The following HAO1 variants were observed in gnomAD, a reference collection of about 807,000 sequenced individuals.
HAO1 encodes the protein hydroxyacid oxidase 1, also known as 2-Hydroxyacid oxidase 1.
Under a neutral mutation model 39.7 loss-of-function variants are expected in HAO1, and 34 were observed. That is an observed-to-expected ratio of 0.86 (90% CI 0.65 to 1.14). The LOEUF is 1.14. Among genes scored for constraint, HAO1 ranks in the 50% most tolerant of loss-of-function variants. The probability of loss-of-function intolerance (pLI) is 0.00; values close to 1 mark genes in which losing one functional copy is unlikely to be tolerated. For synonymous variants in HAO1, 172 were observed against 173.2 expected (o/e 0.99, Z 0.05); for missense variants, 479 against 464.5 (o/e 1.03, Z -0.29).
intron 2 of HAO1, among the ~76,000 whole-genome samples, chr20:7,932,611 G>A (rs1344495771): frequency 6.6e-6 from 1 of 152,054 alleles, no homozygotes; most frequent in Non-Finnish European, 1.5e-5. Flanking sequence ...CCTGACTATT[G>A]TTTGCAACTG....
intron 2 of HAO1, among the ~76,000 whole-genome samples, chr20:7,916,189 A>C (rs1218294589): frequency 6.6e-6 from 1 of 152,116 alleles, no homozygotes; most frequent in African/African-American, 2.4e-5. Flanking sequence ...AAATTGGAGT[A>C]AAATTGGAGT....
chr20:7,886,631 A>G lies in HAO1; in HGVS notation c.814-767T>C, dbSNP rs571737060. 5.9e-5 allele frequency among the ~76,000 whole-genome samples: 9 copies of G among 152,264 alleles called. No individual in the cohort carries two copies. In the South Asian group the frequency reaches 1.9e-3, roughly 32 times the overall value. ...TCTCATCCAAAATATTTTGCATCCA[A>G]CCATATATTAAAGAACACTCTGTGA... On this transcript the variant is annotated intron_variant, in intron 5 of 7. Coordinates refer to ENST00000378789, the MANE Select transcript of HAO1 (RefSeq NM_017545.3).
chr20:7,920,668 A>T (rs1462737635), intron 2 of HAO1, among the ~76,000 whole-genome samples: 1 of 152,088 alleles, frequency 6.6e-6, no homozygotes, highest in Non-Finnish European at 1.5e-5. Context: ...TATAAGTAAG[A>T]TCATATAGTA....
intron 3 of HAO1, among the ~76,000 whole-genome samples, chr20:7,909,889 G>A (rs906925229): frequency 5.9e-5 from 9 of 152,234 alleles, no homozygotes; most frequent in African/African-American, 1.7e-4. Context: ...ACTGATACAT[G>A]GGCCACCAGC....
At chr20:7,889,748 G>A (rs918795554) in intron 5 of HAO1, among the ~76,000 whole-genome samples, 1 of 152,126 alleles carries the variant, frequency 6.6e-6, no homozygotes, top group African/African-American at 2.4e-5. Context: ...GAAATTACTT[G>A]TGCACCAACC....
chr20:7,937,658 A>G (rs774618637), intron 1 of HAO1, among the ~76,000 whole-genome samples: 43 of 135,662 alleles, frequency 3.2e-4, no homozygotes, highest in Admixed American at 2.5e-3. Context: ...ATAATTTCAG[A>G]AAAAAAAGCT....
At chr20:7,905,181 GT>G (rs554112587) in intron 4 of HAO1, among the ~76,000 whole-genome samples, 1,524 of 152,200 alleles carry the variant, frequency 0.01, 26 homozygotes, top group African/African-American at 0.033. Context: ...AATTTAATTT[GT>G]TTAAGCACAG....
intron 1 of HAO1, 116 bp downstream of exon 1, chr20:7,940,170 C>T: frequency 1.2e-6 from 1 of 834,794 alleles, no homozygotes; most frequent in East Asian, 2.8e-5. Context: ...TCCCTCTCTA[C>T]TAAGCACAAA....
chr20:7,917,644 G>C (rs1325430477), intron 2 of HAO1, among the ~76,000 whole-genome samples: 1 of 152,168 alleles, frequency 6.6e-6, no homozygotes, highest in Non-Finnish European at 1.5e-5. Flanking sequence ...GAGGTGCAGA[G>C]TGTGGATGCA....
At chr20:7,899,425 G>A (rs1021431934) in intron 4 of HAO1, among the ~76,000 whole-genome samples, 2 of 152,096 alleles carry the variant, frequency 1.3e-5, no homozygotes, top group African/African-American at 4.8e-5. Flanking sequence ...TTTATTTGCA[G>A]GATGCGTTTG....
At chr20:7,916,112 A>G (rs2050305888) in intron 2 of HAO1, among the ~76,000 whole-genome samples, 1 of 152,170 alleles carries the variant, frequency 6.6e-6, no homozygotes, top group South Asian at 2.1e-4. Flanking sequence ...TCATCTAACT[A>G]ATAGTTTTAG....
At chr20:7,917,706 G>A (rs1188731123) in intron 2 of HAO1, among the ~76,000 whole-genome samples, 4 of 152,100 alleles carry the variant, frequency 2.6e-5, no homozygotes, top group Non-Finnish European at 5.9e-5. Context: ...TGTTTTTGTA[G>A]TTAATACAAA....
rs180951349 is a variant in HAO1, at chr20:7,884,449, C to T, written c.1043-786G>A. Among the ~76,000 whole-genome samples the T allele has an allele frequency of 2.0e-4, 31 of 152,084 alleles. No individual in the cohort carries two copies. In the South Asian group the frequency reaches 3.1e-3, roughly 15 times the overall value. On this transcript the variant is annotated intron_variant, in intron 7 of 7. Transcript: ENST00000378789. ...GAAAACTGGAAAAGAAAACTGGAGT[C>T]GAATAGATGGGTGGAGGATAAACTG...
chr20:7,917,485 C>G (rs1411638462), intron 2 of HAO1, among the ~76,000 whole-genome samples: 1 of 152,100 alleles, frequency 6.6e-6, no homozygotes, highest in Non-Finnish European at 1.5e-5. Flanking sequence ...AAATGACTCC[C>G]TGGTACCATG....
chr20:7,890,407 T>A (rs1413031194), intron 5 of HAO1, among the ~76,000 whole-genome samples: 2 of 152,098 alleles, frequency 1.3e-5, no homozygotes, highest in Admixed American at 1.3e-4. Flanking sequence ...AGAAGCAGTG[T>A]TTCACCATGT....
At chr20:7,924,858 G>T (rs937982532) in intron 2 of HAO1, among the ~76,000 whole-genome samples, 1 of 152,086 alleles carries the variant, frequency 6.6e-6, no homozygotes, top group Non-Finnish European at 1.5e-5. Context: ...CAAAACAGCT[G>T]CACTGAAAAT....
At chr20:7,908,720 T>C (rs1300179352) in intron 3 of HAO1, among the ~76,000 whole-genome samples, 1 of 152,142 alleles carries the variant, frequency 6.6e-6, no homozygotes, top group Non-Finnish European at 1.5e-5. Flanking sequence ...CATCTAGTCA[T>C]TGGGCTTTGG....
At chr20:7,936,355 C>T (rs2050410024) in intron 1 of HAO1, among the ~76,000 whole-genome samples, 1 of 152,088 alleles carries the variant, frequency 6.6e-6, no homozygotes. Context: ...TATTACCAAT[C>T]ATCTCTAAGT....
intron 5 of HAO1, among the ~76,000 whole-genome samples, chr20:7,889,999 C>T (rs1234103829): frequency 6.6e-6 from 1 of 152,056 alleles, no homozygotes; most frequent in African/African-American, 2.4e-5. Context: ...AGTACTGAGA[C>T]CTGGACACCA....
Sources: gnomAD v4.1 joint callset for allele counts (sites outside exome capture counted in the v4.1 genomes callset) on GRCh38, gnomAD v4.1.1 for gene constraint, MANE v1.5 for transcripts, NCBI Gene and HGNC (gene_info 2026-07-23, HGNC 2026-07-21) for gene names.